ENOSF1: variants seen among roughly 807,000 people sequenced by gnomAD.
ENOSF1 encodes enolase superfamily member 1.
In ENOSF1, 73 loss-of-function variants were observed where a neutral mutation model predicts 68.2. The ratio of observed to expected loss-of-function variants is 1.07; its 90% confidence interval spans 0.89 to 1.30. ENOSF1 has a LOEUF of 1.30. Ranked by LOEUF, ENOSF1 falls within the 50% of genes most tolerant of loss-of-function variation. The pLI is 0.00. For synonymous variants in ENOSF1, 223 were observed against 210.4 expected (o/e 1.06, Z -0.52); for missense variants, 589 against 554.5 (o/e 1.06, Z -0.62).
downstream of ENOSF1, among the ~76,000 whole-genome samples, chr18:668,883 A>G (rs2074918194): frequency 6.6e-6 from 1 of 152,158 alleles, no homozygotes; most frequent in Admixed American, 6.5e-5. Flanking sequence ...GGACAGAGCC[A>G]GGAGTCAGAC....
intron 11 of ENOSF1, among the ~76,000 whole-genome samples, chr18:682,317 C>G (rs1042917673): frequency 2.0e-5 from 3 of 152,192 alleles, no homozygotes; most frequent in African/African-American, 7.2e-5. Flanking sequence ...GTACAGCATG[C>G]TACTGTTCTG....
chr18:696,917 G>A (rs1037233068), intron 3 of ENOSF1, among the ~76,000 whole-genome samples: 8 of 152,114 alleles, frequency 5.3e-5, no homozygotes, highest in African/African-American at 9.7e-5. Flanking sequence ...AGGAGTTCGA[G>A]ACCAGCCTGG....
chr18:690,516 C>T (rs2077036011), intron 8 of ENOSF1, 33 bp downstream of exon 8: 1 of 1,613,352 alleles, frequency 6.2e-7, no homozygotes, highest in African/African-American at 1.3e-5. Context: ...TCTCCCCATT[C>T]AGCTGTCTAC....
intron 1 of ENOSF1, among the ~76,000 whole-genome samples, chr18:710,162 G>A (rs879476443): frequency 3.3e-5 from 5 of 152,208 alleles, no homozygotes; most frequent in Admixed American, 2.6e-4. Flanking sequence ...AGGCTGGAGT[G>A]CAGTGACACA....
intron 1 of ENOSF1, among the ~76,000 whole-genome samples, chr18:711,731 C>T (rs1416881292): frequency 6.6e-6 from 1 of 152,110 alleles, no homozygotes; most frequent in Admixed American, 6.5e-5. Flanking sequence ...AGTTCCTGCC[C>T]TTACTTTATT....
intron 11 of ENOSF1, 29 bp downstream of exon 11, chr18:683,217 T>G (rs758416955): frequency 6.2e-7 from 1 of 1,612,648 alleles, no homozygotes; most frequent in Non-Finnish European, 8.5e-7. Context: ...AAAAATAAGC[T>G]GCCACAGCAG....
At chr18:708,872 G>C (rs1005751764) in intron 1 of ENOSF1, among the ~76,000 whole-genome samples, 1 of 152,160 alleles carries the variant, frequency 6.6e-6, no homozygotes. Context: ...GGAGTTGAGC[G>C]ATGAGGCTGA....
downstream of ENOSF1, among the ~76,000 whole-genome samples, chr18:667,282 ATGGT>A (rs1409854862): frequency 1.7e-4 from 4 of 23,496 alleles, no homozygotes; most frequent in African/African-American, 6.8e-4. Flanking sequence ...TGGTGATGGG[ATGGT>A]GATGGAGATG....
At chr18:682,922 CAAA>C in intron 11 of ENOSF1, 1 of 193,002 alleles carries the variant, frequency 5.2e-6, no homozygotes, top group Non-Finnish European at 1.0e-5. Context: ...CACCAAAAAA[CAAA>C]AAAAAAAAAT....
Position 674,216 on chromosome 18 carries a change from G to T in ENOSF1, c.*89C>A. On this transcript the variant is annotated 3_prime_UTR_variant, in exon 16 of 16. Transcript: ENST00000647584. Reference sequence around the variant, plus strand: ...TAGCTGAACTCATCTTGATCGGTAGGATTTTTTAAATCCATTTTTGTAAAA... The same window carrying T: ...TAGCTGAACTCATCTTGATCGGTAGTATTTTTTAAATCCATTTTTGTAAAA... The T allele has an allele frequency of 1.1e-6, 1 of 896,850 alleles. No homozygotes were observed. The highest frequency in any genetic ancestry group is 1.8e-6 in the Non-Finnish European group (1 of 569,704). 55.6% of individuals were successfully genotyped at this position (896,850 alleles called of 1,614,324 possible).
At chr18:703,967 T>C (rs930217508) in intron 2 of ENOSF1, among the ~76,000 whole-genome samples, 3 of 152,114 alleles carry the variant, frequency 2.0e-5, no homozygotes, top group African/African-American at 7.2e-5. Flanking sequence ...CCTTTCGACA[T>C]AGGACGTGCC....
chr18:688,635 C>T (rs371906138), intron 8 of ENOSF1, 27 bp from the exon 9 acceptor site: 41 of 1,606,340 alleles, frequency 2.6e-5, no homozygotes, highest in Non-Finnish European at 3.3e-5. Context: ...CAGGGTCACA[C>T]ACTGGAGAGA....
intron 5 of ENOSF1, 98 bp from the exon 6 acceptor site, chr18:691,374 C>T: frequency 9.9e-7 from 1 of 1,009,916 alleles, no homozygotes; most frequent in Non-Finnish European, 1.5e-6. Flanking sequence ...GAGACAAGGT[C>T]TCACTCTGTT....
chr18:705,639 G>C (rs1270917835), intron 2 of ENOSF1, among the ~76,000 whole-genome samples: 1 of 152,154 alleles, frequency 6.6e-6, no homozygotes, highest in African/African-American at 2.4e-5. Flanking sequence ...TTCCCCAAGG[G>C]AGACCTCCGA....
At position 675,381 on chromosome 18, in the gene ENOSF1, G is replaced by C; in HGVS notation, c.1170C>G (p.His390Gln). The change falls in exon 15 of 16, where the codon CAC (histidine) becomes CAG (glutamine). Residue 390 changes from histidine (H) to glutamine (Q), a missense_variant. His to Gln is a conservative substitution (Grantham distance 24). Coordinates refer to ENST00000647584, the MANE Select transcript of ENOSF1 (RefSeq NM_017512.7). ...LENRVCEYVDHLHEHFKYPVM... is the reference protein window; with the variant it reads ...LENRVCEYVDQLHEHFKYPVM... Reference sequence around the variant, plus strand: ...CGGGATACTTGAAATGCTCATGCAGGTGGTCAACATACTCACACACCCTAG... The same window carrying C: ...CGGGATACTTGAAATGCTCATGCAGCTGGTCAACATACTCACACACCCTAG... 6.2e-7 allele frequency: 1 copy of C among 1,613,102 alleles called. No individual in the cohort carries two copies. Among genetic ancestry groups the C allele is most frequent in the Non-Finnish European group, 8.5e-7 (1 of 1,179,798 alleles).
chr18:709,777 A>C (rs2145542788), intron 1 of ENOSF1, among the ~76,000 whole-genome samples: 1 of 152,248 alleles, frequency 6.6e-6, no homozygotes, highest in South Asian at 2.1e-4. Context: ...CTAAAAAAAA[A>C]AAGCAGGAGT....
At chr18:669,157 C>T (rs749851203), downstream of ENOSF1, 35 of 1,613,920 alleles carry the variant, frequency 2.2e-5, no homozygotes, top group African/African-American at 2.7e-5. Flanking sequence ...TCATCATGTG[C>T]GCTTGGAATC....
chr18:667,191 A>ATGGT (rs2074856661), downstream of ENOSF1, among the ~76,000 whole-genome samples: 1 of 40,012 alleles, frequency 2.5e-5, no homozygotes, highest in African/African-American at 2.3e-4. Context: ...ATGGTGATGG[A>ATGGT]GATGGTGATG....
chr18:701,263 C>T lies in ENOSF1; in HGVS notation c.194-3908G>A, dbSNP rs889166945. ...ATGTGTCCAAACCTAAGAGTGACCC[C>T]TATTGTAAACTACAGACTTTGGGTG... On this transcript the variant is annotated intron_variant, in intron 2 of 15. Transcript: ENST00000647584. 2.6e-5 allele frequency among the ~76,000 whole-genome samples: 4 copies of T among 152,186 alleles called. No individual in the cohort carries two copies. The South Asian group carries it at 6.2e-4, about 24-fold the overall frequency.
Sources: allele counts gnomAD v4.1 joint callset (sites outside exome capture counted in the v4.1 genomes callset), GRCh38; gene constraint gnomAD v4.1.1; transcripts MANE v1.5; gene names NCBI Gene and HGNC (gene_info 2026-07-23, HGNC 2026-07-21).